GALNT17: variants seen among roughly 807,000 people sequenced by gnomAD.
GALNT17 encodes UDP-GalNAc:polypeptide N-acetylgalactosaminyltransferase-like 3.
In GALNT17, 29 loss-of-function variants were observed where a neutral mutation model predicts 63.7. That is an observed-to-expected ratio of 0.46 (90% CI 0.34 to 0.62). The LOEUF is 0.62. GALNT17 is among the 20% of genes least tolerant of loss of function. GALNT17 has a pLI of 0.01. For missense variants in GALNT17, 603 were observed against 799.6 expected, an observed-to-expected ratio of 0.75 and a Z score of 2.97; for synonymous variants, 305 against 318.3, an observed-to-expected ratio of 0.96 and a Z score of 0.45.
At chr7:71,491,682 T>C (rs2116674983) in intron 5 of GALNT17, among the ~76,000 whole-genome samples, 1 of 152,268 alleles carries the variant, frequency 6.6e-6, no homozygotes, top group East Asian at 1.9e-4. Flanking sequence ...AAGTGAGCAT[T>C]GGAGTGACCT....
intron 5 of GALNT17, among the ~76,000 whole-genome samples, chr7:71,536,888 C>T (rs1437038027): frequency 6.6e-6 from 1 of 152,168 alleles, no homozygotes; most frequent in Non-Finnish European, 1.5e-5. Context: ...GTTCTGATGC[C>T]ACATAGTTAA....
At chr7:71,401,706 G>A (rs112312939) in intron 3 of GALNT17, among the ~76,000 whole-genome samples, 281 of 152,206 alleles carry the variant, frequency 1.8e-3, no homozygotes, top group African/African-American at 6.2e-3. Flanking sequence ...TAGGTTGCGC[G>A]CTCCTTATGA....
At chr7:71,238,208 A>G (rs765357747) in intron 1 of GALNT17, among the ~76,000 whole-genome samples, 2 of 152,192 alleles carry the variant, frequency 1.3e-5, no homozygotes, top group Non-Finnish European at 2.9e-5. Context: ...AGAGAGCCCC[A>G]GAGGAACTGA....
chr7:71,615,376 G>A (rs1790185956), intron 6 of GALNT17, among the ~76,000 whole-genome samples: 1 of 151,716 alleles, frequency 6.6e-6, no homozygotes, highest in African/African-American at 2.4e-5. Context: ...CTGATACTGA[G>A]ATCATGGGCC....
intron 5 of GALNT17, among the ~76,000 whole-genome samples, chr7:71,491,143 G>A (rs770498093): frequency 1.1e-4 from 17 of 152,032 alleles, no homozygotes; most frequent in African/African-American, 2.9e-4. Flanking sequence ...GCAGTGAGCC[G>A]AGATTGTACC....
rs367949517 is a variant in GALNT17 at position 71,677,333 on chromosome 7, G to A, written c.1500+27G>A. The A allele has an allele frequency of 7.2e-5, 115 of 1,604,858 alleles. No individual in the cohort carries two copies. In the African/African-American group the frequency reaches 1.5e-3, roughly 21 times the overall value. On this transcript the variant is annotated intron_variant, in intron 9 of 10. Coordinates refer to ENST00000333538, the MANE Select transcript of GALNT17 (RefSeq NM_022479.3). ...TAGGAGCTCGTCTCTGACCAGGAAGGAAGTAATATCACCATCTCCGACCCA... is the reference window on the plus strand; with the variant it reads ...TAGGAGCTCGTCTCTGACCAGGAAGAAAGTAATATCACCATCTCCGACCCA...
At chr7:71,377,613 T>C (rs1792767468) in intron 2 of GALNT17, among the ~76,000 whole-genome samples, 1 of 152,162 alleles carries the variant, frequency 6.6e-6, no homozygotes, top group Non-Finnish European at 1.5e-5. Context: ...AAATTCCTTG[T>C]CCATGCACCC....
intron 6 of GALNT17, among the ~76,000 whole-genome samples, chr7:71,619,004 G>C (rs1433310627): frequency 6.6e-6 from 1 of 152,168 alleles, no homozygotes; most frequent in Non-Finnish European, 1.5e-5. Flanking sequence ...CAAAGATAAG[G>C]TTCCAGCTTC....
chr7:71,249,300 A>T lies in GALNT17; in HGVS notation c.239-86250A>T, dbSNP rs142936333. ...TGTCCTTCTTTCAAAGCATATTCAT[A>T]TTTATTTTTTTCTCTCGTTAATTTT... On this transcript the variant is annotated intron_variant, in intron 1 of 10. Coordinates refer to ENST00000333538, the MANE Select transcript of GALNT17 (RefSeq NM_022479.3). 6.0e-4 allele frequency among the ~76,000 whole-genome samples: 92 copies of T among 152,112 alleles called. No individual in the cohort carries two copies. The East Asian group carries it at 0.017, about 29-fold the overall frequency.
chr7:71,418,896 G>A lies in GALNT17; in HGVS notation c.765-2012G>A, dbSNP rs552133622. Among the ~76,000 whole-genome samples, 38 of 152,208 alleles carry A rather than the reference G, an allele frequency of 2.5e-4. 4 individuals carry two copies. In the East Asian group the frequency reaches 2.9e-3, roughly 12 times the overall value. The stretch of plus-strand genomic sequence containing the variant: ...GCGGATCACCTGAGGTCAGGAGTTC[G>A]AGACCAGCCTAGCCAACATGGCGAA... On this transcript the variant is annotated intron_variant, in intron 4 of 10. Transcript: ENST00000333538.
chr7:71,319,093 T>TCTTTC lies in GALNT17; in HGVS notation c.239-16457_239-16456insCTTTC, dbSNP rs747369973. Among the ~76,000 whole-genome samples, 736 of 148,650 alleles carry TCTTTC rather than the reference T, an allele frequency of 5.0e-3. 3 individuals are homozygous for TCTTTC. The highest frequency in any genetic ancestry group is 0.014 in the African/African-American group (556 of 39,018). On this transcript the variant is annotated intron_variant, in intron 1 of 10. Transcript: ENST00000333538. ...TCCTCAGCTTGCTGAGCTATTTTTG[T>TCTTTC]TTATCTTTCTTTCTTTCTTTCTTTC...
intron 5 of GALNT17, among the ~76,000 whole-genome samples, chr7:71,428,564 G>A (rs891073941): frequency 2.0e-5 from 3 of 151,844 alleles, no homozygotes; most frequent in South Asian, 2.1e-4. Flanking sequence ...TCAGCTTCCC[G>A]AGTAGCTGGG....
intron 6 of GALNT17, among the ~76,000 whole-genome samples, chr7:71,627,997 A>T (rs1790398687): frequency 6.6e-6 from 1 of 152,148 alleles, no homozygotes; most frequent in South Asian, 2.1e-4. Flanking sequence ...AGATACACAT[A>T]CAGCATGCAA....
intron 5 of GALNT17, among the ~76,000 whole-genome samples, chr7:71,432,435 A>G (rs917914471): frequency 2.6e-5 from 4 of 152,182 alleles, no homozygotes; most frequent in African/African-American, 9.7e-5. Flanking sequence ...CTTGCCCACC[A>G]GAAGTTAAAC....
chr7:71,503,926 T>C lies in GALNT17; in HGVS notation c.963-67359T>C, dbSNP rs191799176. ...CTGGCCAATACAGTGAAACCCCGTC[T>C]CTACTAAAAATACAAAAAATGGCCA... On this transcript the variant is annotated intron_variant, in intron 5 of 10. Coordinates refer to ENST00000333538, the MANE Select transcript of GALNT17 (RefSeq NM_022479.3). 2.7e-3 allele frequency among the ~76,000 whole-genome samples: 406 copies of C among 151,950 alleles called. 11 individuals are homozygous for C. In the East Asian group the frequency reaches 0.047, roughly 17 times the overall value.
chr7:71,609,496 C>G (rs1461534689), intron 6 of GALNT17, among the ~76,000 whole-genome samples: 1 of 152,018 alleles, frequency 6.6e-6, no homozygotes, highest in Non-Finnish European at 1.5e-5. Context: ...ACTGAGAAAA[C>G]AGAGAGAGAG....
At chr7:71,487,352 A>G (rs766999377) in intron 5 of GALNT17, among the ~76,000 whole-genome samples, 2 of 152,184 alleles carry the variant, frequency 1.3e-5, no homozygotes, top group African/African-American at 2.4e-5. Context: ...CTTACTTGAT[A>G]TAGAATGGAG....
At chr7:71,149,304 T>A in intron 1 of GALNT17, among the ~76,000 whole-genome samples, 1 of 152,138 alleles carries the variant, frequency 6.6e-6, no homozygotes, top group East Asian at 1.9e-4. Context: ...TTTATACTAT[T>A]ATATCTGTTT....
intron 2 of GALNT17, among the ~76,000 whole-genome samples, chr7:71,373,182 G>A (rs1792658367): frequency 6.6e-6 from 1 of 152,194 alleles, no homozygotes; most frequent in Admixed American, 6.5e-5. Context: ...AGGAATGCCA[G>A]CGTCTCACTT....
Sources: allele counts gnomAD v4.1 joint callset (sites outside exome capture counted in the v4.1 genomes callset), GRCh38; gene constraint gnomAD v4.1.1; transcripts MANE v1.5; gene names NCBI Gene and HGNC (gene_info 2026-07-23, HGNC 2026-07-21).